CELF4: variants seen among roughly 807,000 people sequenced by gnomAD.
CELF4 encodes the protein CUGBP Elav-like family member 4, also known as CUG-BP- and ETR-3-like factor 4.
CELF4 carries 18 observed loss-of-function variants against 59.9 expected under a neutral mutation model. The ratio of observed to expected loss-of-function variants is 0.30; its 90% confidence interval spans 0.21 to 0.45. The LOEUF is 0.45. CELF4 is among the 20% of genes least tolerant of loss of function. The pLI, the probability that CELF4 is intolerant of heterozygous loss-of-function variation, is 1.00. For synonymous variants in CELF4, 261 were observed against 267.1 expected (o/e 0.98, Z 0.22); for missense variants, 456 against 689.0 (o/e 0.66, Z 3.79).
chr18:37,492,799 TG>T (rs928812531), intron 1 of CELF4, among the ~76,000 whole-genome samples: 117 of 152,300 alleles, frequency 7.7e-4, no homozygotes, highest in African/African-American at 2.6e-3. Flanking sequence ...CCTCTGCCCA[TG>T]GCCTGCCTCA....
intron 1 of CELF4, among the ~76,000 whole-genome samples, chr18:37,550,094 G>GGGA (rs1319629207): frequency 7.9e-6 from 1 of 126,704 alleles, no homozygotes; most frequent in African/African-American, 3.3e-5. Context: ...GGGGGGGGGG[G>GGGA]ATCCGTGGGA....
At chr18:37,532,168 T>C (rs924610611) in intron 1 of CELF4, among the ~76,000 whole-genome samples, 3 of 152,220 alleles carry the variant, frequency 2.0e-5, no homozygotes, top group Non-Finnish European at 4.4e-5. Context: ...AGGGCACTTC[T>C]GCTGATCTTT....
Position 37,279,373 on chromosome 18 carries a change from G to C in CELF4, c.449-4130C>G, listed in dbSNP as rs187872486. On this transcript the variant is annotated intron_variant, in intron 3 of 12. Coordinates refer to ENST00000420428, the MANE Select transcript of CELF4 (RefSeq NM_020180.4). ...GGTGAGCAACTGGAGGCTGGCATTA[G>C]GAGCCCAGAATTCTCTTGACAGAGC... is the stretch of plus-strand genomic sequence containing the variant. 3.3e-5 allele frequency among the ~76,000 whole-genome samples: 5 copies of C among 152,292 alleles called. No homozygotes were observed. The East Asian group carries it at 9.6e-4, about 29-fold the overall frequency.
intron 2 of CELF4, among the ~76,000 whole-genome samples, chr18:37,479,868 G>A (rs557975801): frequency 1.2e-4 from 19 of 152,220 alleles, no homozygotes; most frequent in Non-Finnish European, 2.4e-4. Flanking sequence ...GCCCTAACGC[G>A]ATATGACTGC....
At chr18:37,485,647 G>A in intron 1 of CELF4, 40 bp from the exon 2 acceptor site, 2 of 1,299,910 alleles carry the variant, frequency 1.5e-6, no homozygotes, top group Non-Finnish European at 2.0e-6. Context: ...TCAGTGGGGC[G>A]CCCCCGGGCC....
At chr18:37,329,232 A>G (rs2097443788) in intron 2 of CELF4, among the ~76,000 whole-genome samples, 1 of 152,234 alleles carries the variant, frequency 6.6e-6, no homozygotes, top group African/African-American at 2.4e-5. Context: ...GAGGTCCCCC[A>G]GGCAGGAGAA....
intron 3 of CELF4, among the ~76,000 whole-genome samples, chr18:37,287,481 C>T (rs28697228): frequency 0.51 from 77,363 of 152,082 alleles, 19,987 homozygotes; most frequent in Middle Eastern, 0.6. Context: ...GTGAGGGGAC[C>T]TCTCTAGGTC....
intron 2 of CELF4, among the ~76,000 whole-genome samples, chr18:37,437,968 G>A (rs2099698600): frequency 6.6e-6 from 1 of 152,094 alleles, no homozygotes. Context: ...ATTAGTTAGT[G>A]TCCTTAACAG....
intron 3 of CELF4, among the ~76,000 whole-genome samples, chr18:37,284,505 G>A (rs535704868): frequency 1.6e-4 from 24 of 151,638 alleles, no homozygotes; most frequent in Non-Finnish European, 2.6e-4. Flanking sequence ...CCTCATCCAC[G>A]GCACCCATGG....
chr18:37,541,489 C>T (rs113810292), intron 1 of CELF4, among the ~76,000 whole-genome samples: 1 of 152,156 alleles, frequency 6.6e-6, no homozygotes, highest in Admixed American at 6.5e-5. Flanking sequence ...TGGCTGCCCC[C>T]CTCCGTGTCT....
In CELF4 at chr18:37,301,688, C is replaced by G. The variant is rs138953878; in HGVS notation, c.448+20115G>C. On this transcript the variant is annotated intron_variant, in intron 3 of 12. Transcript: ENST00000420428. ...CTGGAGCCCAGGCTGAACCACCGCT[C>G]TCTGTTGGACCCTGCTGGGAGCGTG... Among the ~76,000 whole-genome samples the G allele has an allele frequency of 1.2e-4, 18 of 152,352 alleles. No homozygotes were observed. The East Asian group carries it at 3.5e-3, about 29-fold the overall frequency.
At chr18:37,467,203 C>T (rs55668027) in intron 2 of CELF4, among the ~76,000 whole-genome samples, 28,672 of 152,124 alleles carry the variant, frequency 0.19, 2,830 homozygotes, top group Middle Eastern at 0.25. Flanking sequence ...GCCTGACATT[C>T]CACATCAGAG....
chr18:37,542,081 C>G (rs1458219071), intron 1 of CELF4, among the ~76,000 whole-genome samples: 1 of 152,080 alleles, frequency 6.6e-6, no homozygotes, highest in East Asian at 1.9e-4. Context: ...TTATTCAATC[C>G]TGATGGTGTT....
intron 2 of CELF4, among the ~76,000 whole-genome samples, chr18:37,469,366 A>T (rs1156591884): frequency 6.6e-6 from 1 of 152,160 alleles, no homozygotes; most frequent in Non-Finnish European, 1.5e-5. Context: ...GAAGCAGCAG[A>T]CAGTTCCATG....
At chr18:37,322,849 G>A (rs898711415) in intron 2 of CELF4, among the ~76,000 whole-genome samples, 2 of 152,210 alleles carry the variant, frequency 1.3e-5, no homozygotes, top group East Asian at 1.9e-4. Context: ...ACTCAGAGAG[G>A]TAGTGGGGCA....
At position 37,273,318 on chromosome 18, in the gene CELF4, C is replaced by T. The variant is rs553428853; in HGVS notation, c.802-155G>A. 44 of 1,430,338 alleles carry T rather than the reference C, an allele frequency of 3.1e-5. No homozygotes were observed. The African/African-American group carries it at 6.0e-4, about 20-fold the overall frequency. The allele number at this position is 1,430,338 out of a possible 1,614,324, so 88.6% of individuals were successfully genotyped here. Reference sequence around the variant, plus strand: ...AGCCCTGATGCCTCTCCCATTCTTGCCCTGTACCTCAACAGCTATTAGAGT... The same window carrying T: ...AGCCCTGATGCCTCTCCCATTCTTGTCCTGTACCTCAACAGCTATTAGAGT... On this transcript the variant is annotated intron_variant, in intron 6 of 12. Coordinates refer to ENST00000420428, the MANE Select transcript of CELF4 (RefSeq NM_020180.4).
At chr18:37,466,994 C>T (rs185372348) in intron 2 of CELF4, among the ~76,000 whole-genome samples, 427 of 152,200 alleles carry the variant, frequency 2.8e-3, no homozygotes, top group African/African-American at 9.7e-3. Flanking sequence ...CGTCCCAGAT[C>T]CTGAGGTCAG....
At chr18:37,421,193 C>T (rs2099575919) in intron 2 of CELF4, among the ~76,000 whole-genome samples, 1 of 152,226 alleles carries the variant, frequency 6.6e-6, no homozygotes, top group Admixed American at 6.5e-5. Context: ...GCTAACCCCA[C>T]TCTCTCAGTC....
chr18:37,447,530 G>A (rs1190920416), intron 2 of CELF4, among the ~76,000 whole-genome samples: 1 of 152,126 alleles, frequency 6.6e-6, no homozygotes, highest in Non-Finnish European at 1.5e-5. Context: ...TGGAGGGAGC[G>A]ACCCGTTTTT....
Sources: allele counts gnomAD v4.1 joint callset (sites outside exome capture counted in the v4.1 genomes callset), GRCh38; gene constraint gnomAD v4.1.1; transcripts MANE v1.5; gene names NCBI Gene and HGNC (gene_info 2026-07-23, HGNC 2026-07-21).